Variants in NTRK3 observed in about 807,000 individuals in gnomAD.
The protein encoded by NTRK3 is neurotrophic receptor tyrosine kinase 3.
NTRK3 carries 24 observed loss-of-function variants against 91.7 expected under a neutral mutation model. That is an observed-to-expected ratio of 0.26 (90% CI 0.19 to 0.37). The LOEUF (loss-of-function observed/expected upper bound fraction) is 0.37, where lower values mean the gene tolerates loss of function less well. NTRK3 is among the 10% of genes least tolerant of loss of function. NTRK3 has a pLI of 1.00. For synonymous variants in NTRK3, 483 were observed against 404.0 expected (o/e 1.20, Z -2.34); for missense variants, 880 against 1,068.9 (o/e 0.82, Z 2.46).
chr15:87,890,240 GAT>G (rs2065784308), intron 17 of NTRK3, among the ~76,000 whole-genome samples: 1 of 152,046 alleles, frequency 6.6e-6, no homozygotes, highest in South Asian at 2.1e-4. Context: ...GATTCAATCT[GAT>G]ATTATAAAGT....
chr15:88,185,752 C>T (rs1248212581), intron 3 of NTRK3, among the ~76,000 whole-genome samples: 4 of 152,214 alleles, frequency 2.6e-5, no homozygotes, highest in Non-Finnish European at 1.5e-5. Context: ...CCAGCACCAC[C>T]ACACCCGTAG....
chr15:88,216,746 T>C lies in NTRK3; in HGVS notation c.249-32447A>G, dbSNP rs116180387. Among the ~76,000 whole-genome samples the C allele has an allele frequency of 2.1e-3, 321 of 152,260 alleles. 1 individual carries two copies. The highest frequency in any genetic ancestry group is 7.5e-3 in the African/African-American group (311 of 41,558). On this transcript the variant is annotated intron_variant, in intron 3 of 18. Coordinates refer to ENST00000394480, the Ensembl canonical transcript of NTRK3. Reference sequence around the variant, plus strand: ...TCACTCCTCTTAGGGGAGCCCAGCATCATCACAAATGCATGTCCTCCTCCC... The same window carrying C: ...TCACTCCTCTTAGGGGAGCCCAGCACCATCACAAATGCATGTCCTCCTCCC...
intron 13 of NTRK3, among the ~76,000 whole-genome samples, chr15:88,039,342 T>C (rs1320281748): frequency 2.6e-5 from 4 of 152,152 alleles, no homozygotes; most frequent in Non-Finnish European, 5.9e-5. Context: ...GGAACAGAGG[T>C]CTGCACAGAC....
intron 3 of NTRK3, among the ~76,000 whole-genome samples, chr15:88,202,078 A>G (rs1312353565): frequency 1.3e-5 from 2 of 152,002 alleles, no homozygotes; most frequent in East Asian, 3.8e-4. Flanking sequence ...TCAGGGTTCC[A>G]CAGATTAGGA....
At chr15:88,203,898 T>A (rs2048507570) in intron 3 of NTRK3, among the ~76,000 whole-genome samples, 1 of 152,192 alleles carries the variant, frequency 6.6e-6, no homozygotes, top group African/African-American at 2.4e-5. Context: ...AGTTCAGGGA[T>A]ACATGTGCAG....
chr15:88,141,736 C>T (rs573218358), intron 6 of NTRK3, among the ~76,000 whole-genome samples: 14 of 152,300 alleles, frequency 9.2e-5, no homozygotes, highest in Non-Finnish European at 2.1e-4. Context: ...ATCTCATGGC[C>T]CCCCAAAGGC....
chr15:87,989,494 G>A (rs894563969), intron 14 of NTRK3, among the ~76,000 whole-genome samples: 2 of 152,102 alleles, frequency 1.3e-5, no homozygotes, highest in African/African-American at 4.8e-5. Flanking sequence ...CACACACTGG[G>A]GCCTGTTGTG....
chr15:88,099,840 T>G (rs1405524105), intron 13 of NTRK3, among the ~76,000 whole-genome samples: 2 of 152,178 alleles, frequency 1.3e-5, no homozygotes, highest in Admixed American at 1.3e-4. Context: ...GTGGGGCGGT[T>G]CACATAGTTA....
At position 87,906,540 on chromosome 15, in the gene NTRK3, C is replaced by T. The variant is rs569938826; in HGVS notation, c.2133+22651G>A. On this transcript the variant is annotated intron_variant, in intron 17 of 18. Coordinates refer to ENST00000394480, the Ensembl canonical transcript of NTRK3. Reference sequence around the variant, plus strand: ...ACAAGGTATCCTTCCAGTGCCACAGCCACCTGGTTTTCTCTCTTTGCTTTC... The same window carrying T: ...ACAAGGTATCCTTCCAGTGCCACAGTCACCTGGTTTTCTCTCTTTGCTTTC... Among the ~76,000 whole-genome samples the T allele has an allele frequency of 1.6e-3, 238 of 152,272 alleles. 1 individual carries two copies. Among genetic ancestry groups the T allele is most frequent in the African/African-American group, 5.4e-3 (226 of 41,560 alleles).
chr15:88,253,981 G>A (rs1480750742), intron 3 of NTRK3, among the ~76,000 whole-genome samples: 3 of 152,182 alleles, frequency 2.0e-5, no homozygotes, highest in African/African-American at 4.8e-5. Context: ...AAGAGCCTAC[G>A]TGATTGTGAC....
At chr15:88,150,653 G>C (rs948233729) in intron 5 of NTRK3, among the ~76,000 whole-genome samples, 1 of 152,134 alleles carries the variant, frequency 6.6e-6, no homozygotes, top group Non-Finnish European at 1.5e-5. Context: ...CCTGGAAACT[G>C]TATTGCACAA....
intron 13 of NTRK3, among the ~76,000 whole-genome samples, chr15:88,112,665 A>G (rs7168354): frequency 0.25 from 37,323 of 152,176 alleles, 4,806 homozygotes; most frequent in African/African-American, 0.28. Context: ...AGGGACACAA[A>G]AAAGTCTCCT....
At chr15:88,248,516 T>TTGTGTG (rs4034650) in intron 3 of NTRK3, among the ~76,000 whole-genome samples, 2 of 150,586 alleles carry the variant, frequency 1.3e-5, no homozygotes, top group Admixed American at 6.6e-5. Flanking sequence ...AGTAATATAT[T>TTGTGTG]TGTGTGTGTG....
intron 14 of NTRK3, among the ~76,000 whole-genome samples, chr15:88,021,879 C>A (rs2077621997): frequency 6.6e-6 from 1 of 152,144 alleles, no homozygotes; most frequent in Admixed American, 6.5e-5. Context: ...GGAAAGAGAA[C>A]ACTAATAGAG....
chr15:87,900,893 C>T (rs1332669700), intron 17 of NTRK3, among the ~76,000 whole-genome samples: 1 of 152,072 alleles, frequency 6.6e-6, no homozygotes, highest in Non-Finnish European at 1.5e-5. Flanking sequence ...TAGGGATCAT[C>T]CAGTTCCAAA....
chr15:88,106,561 AGT>A (rs2050729034), intron 13 of NTRK3, among the ~76,000 whole-genome samples: 1 of 152,310 alleles, frequency 6.6e-6, no homozygotes, highest in East Asian at 1.9e-4. Flanking sequence ...CTTAAGAAAG[AGT>A]GTTGTGTGAA....
chr15:87,882,638 G>T (rs950452589), intron 17 of NTRK3, among the ~76,000 whole-genome samples: 3 of 152,020 alleles, frequency 2.0e-5, no homozygotes, highest in East Asian at 1.9e-4. Flanking sequence ...AGTAGATATA[G>T]AAATAATTAA....
intron 3 of NTRK3, among the ~76,000 whole-genome samples, chr15:88,192,155 A>G (rs2047456826): frequency 6.6e-6 from 1 of 152,230 alleles, no homozygotes; most frequent in Non-Finnish European, 1.5e-5. Flanking sequence ...CCAGGAATGA[A>G]GAACGTTTGT....
At chr15:87,952,225 G>A (rs993585996) in intron 14 of NTRK3, among the ~76,000 whole-genome samples, 2 of 148,692 alleles carry the variant, frequency 1.3e-5, no homozygotes. Flanking sequence ...AAAGAAAAGA[G>A]AAAGAAAAGA....
Sources: gnomAD v4.1 joint callset for allele counts (sites outside exome capture counted in the v4.1 genomes callset) on GRCh38, gnomAD v4.1.1 for gene constraint, MANE v1.5 for transcripts, NCBI Gene and HGNC (gene_info 2026-07-23, HGNC 2026-07-21) for gene names.